Variants in BCOR observed in about 807,000 individuals in gnomAD.
The protein encoded by BCOR is BCL-6 corepressor.
In BCOR, 10 loss-of-function variants were observed where a neutral mutation model predicts 86.7. The ratio of observed to expected loss-of-function variants is 0.12; its 90% confidence interval spans 0.07 to 0.20. The LOEUF (loss-of-function observed/expected upper bound fraction) is 0.20. Among genes scored for constraint, BCOR ranks in the 10% least tolerant of loss-of-function variants. The pLI is 1.00. For missense variants in BCOR, 1,259 were observed against 1,452.1 expected (o/e 0.87, Z 2.16); for synonymous variants, 611 against 609.0 (o/e 1.00, Z -0.05).
intron 1 of BCOR, among the ~76,000 whole-genome samples, chrX:40,116,670 G>C (rs1474041818): frequency 9.0e-6 from 1 of 111,697 alleles, no homozygotes; most frequent in African/African-American, 3.3e-5. Flanking sequence ...TGCAACACTA[G>C]CAACTAAATT....
At chrX:40,071,204 C>T (rs773850943) in intron 5 of BCOR, 45 bp from the exon 6 acceptor site, 1 of 1,119,490 alleles carries the variant, frequency 8.9e-7, no homozygotes, top group Admixed American at 2.6e-5. Context: ...CAACACCTTA[C>T]CATAAAAGCT....
intron 1 of BCOR, among the ~76,000 whole-genome samples, chrX:40,094,029 C>T (rs1936732001): frequency 1.8e-5 from 2 of 111,399 alleles, no homozygotes; most frequent in Admixed American, 9.5e-5. Flanking sequence ...AAAGGAAAAC[C>T]CTAGGCCCAG....
intron 1 of BCOR, among the ~76,000 whole-genome samples, chrX:40,115,933 C>T (rs1937386974): frequency 9.0e-6 from 1 of 111,596 alleles, no homozygotes; most frequent in Non-Finnish European, 1.9e-5. Flanking sequence ...CTTTCATATT[C>T]CTGGGCAACA....
chrX:40,146,473 A>G (rs1305605993), intron 1 of BCOR: 1 of 111,840 alleles, frequency 8.9e-6, no homozygotes, highest in Non-Finnish European at 1.9e-5. Flanking sequence ...CAGACCTGAG[A>G]GCCGCCGCGC....
intron 1 of BCOR, among the ~76,000 whole-genome samples, chrX:40,122,812 TATA>T (rs1242912894): frequency 3.6e-5 from 4 of 111,805 alleles, no homozygotes; most frequent in Non-Finnish European, 7.5e-5. Flanking sequence ...AGATGTTTTC[TATA>T]ATATTTTCAG....
At chrX:40,055,655 G>C (rs1375713516) in intron 11 of BCOR, 142 bp from the exon 12 acceptor site, 11 of 670,106 alleles carry the variant, frequency 1.6e-5, no homozygotes, top group Middle Eastern at 4.1e-4. Flanking sequence ...ATTTCATCCA[G>C]GAGGTGTGCA....
rs768919602 is a variant in BCOR, at chrX:40,052,336, G to A, written c.5041C>T (p.Arg1681Cys). The A allele has an allele frequency of 1.3e-5, 16 of 1,210,075 alleles. No individual in the cohort carries two copies. The highest frequency in any genetic ancestry group is 1.8e-5 in the South Asian group (1 of 56,867). The change falls in exon 15 of 15, where the codon CGC becomes TGC. Residue 1681 changes from arginine (R) to cysteine (C), a missense_variant. By Grantham distance (180) the Arg-to-Cys change is radical. Around this residue, in one of 7 missense-constraint regions of BCOR, gnomAD observed 137 missense variants for 149.8 expected, o/e 0.91. Transcript: ENST00000378444. ...KKLKMSSRIF[R>C]CNFPNVEIVT... The stretch of plus-strand genomic sequence containing the variant: ...ATTTCCACGTTTGGAAAATTGCAGC[G>A]AAATATGCGGGAGGACATTTTCAAT...
At position 40,090,980 on chromosome X, in the gene BCOR, T is replaced by C. The variant is rs149027951; in HGVS notation, c.-41+6235A>G. Among the ~76,000 whole-genome samples, 20 of 110,571 alleles carry C rather than the reference T, an allele frequency of 1.8e-4. No homozygotes were observed. The East Asian group carries it at 4.8e-3, about 27-fold the overall frequency. On this transcript the variant is annotated intron_variant, in intron 1 of 14. Transcript: ENST00000378444. Reference sequence around the variant, plus strand: ...TAGTGACTTCAATGCAAAATTGTCTTTTTATAACTTTTTTCCTTAAACACA... The same window carrying C: ...TAGTGACTTCAATGCAAAATTGTCTCTTTATAACTTTTTTCCTTAAACACA...
At chrX:40,068,527 G>A (rs1430320534) in intron 6 of BCOR, among the ~76,000 whole-genome samples, 1 of 112,651 alleles carries the variant, frequency 8.9e-6, no homozygotes, top group East Asian at 2.8e-4. Context: ...GCCACTGAGT[G>A]AGTCCTAGGT....
chrX:40,057,668 C>T (rs756281361), intron 10 of BCOR, among the ~76,000 whole-genome samples: 2 of 112,216 alleles, frequency 1.8e-5, no homozygotes, highest in East Asian at 5.6e-4. Flanking sequence ...CAGTGCCTGG[C>T]ACAGTGAGTA....
rs1238639795 is a variant in BCOR at position 40,073,064 on chromosome X, C to T, written c.2282G>A (p.Arg761Gln). Residue 761 changes from arginine to glutamine, a missense_variant, in exon 4 of 15, where the codon CGG becomes CAG. Arg to Gln is a conservative substitution (Grantham distance 43). This residue lies in a region of BCOR where 534 missense variants were observed against 594.8 expected (regional missense o/e 0.90). Transcript: ENST00000378444. ...TTCCAAAATCTCGGAAAACCGATTC[C>T]GGAGGGTTGGGTCCTCGTAACGGGC... is the stretch of plus-strand genomic sequence containing the variant. The part of the protein sequence containing the change: ...ERARYEDPTL[R>Q]NRFSEILETS... 5.0e-6 allele frequency: 6 copies of T among 1,210,390 alleles called. No individual in the cohort carries two copies. The highest frequency in any genetic ancestry group is 4.4e-5 in the Admixed American group (2 of 45,866).
rs369901956 is a variant in BCOR, at chrX:40,142,517, C to T, written c.-41+34490G>A. Among the ~76,000 whole-genome samples, 5 of 112,103 alleles carry T rather than the reference C, an allele frequency of 4.5e-5. No homozygotes were observed. The East Asian group carries it at 1.4e-3, about 31-fold the overall frequency. On this transcript the variant is annotated intron_variant, in intron 1 of 14. Transcript: ENST00000342274. ...ACCATCTGTTTGGCTTTACAACACA[C>T]ACCTAGTCCTTGGACTCTTGACACA...
intron 1 of BCOR, among the ~76,000 whole-genome samples, chrX:40,158,680 T>TG (rs1938352633): frequency 9.0e-6 from 1 of 111,537 alleles, no homozygotes; most frequent in East Asian, 2.8e-4. Flanking sequence ...CAGCTGGGGG[T>TG]GGGGGGCGAG....
intron 14 of BCOR, among the ~76,000 whole-genome samples, 154 bp from the exon 15 acceptor site, chrX:40,052,554 C>A (rs1186698655): frequency 3.3e-5 from 3 of 91,845 alleles, no homozygotes; most frequent in Non-Finnish European, 4.2e-5. Context: ...CTCTGATCAC[C>A]ATTTTTTTTT....
chrX:40,087,440 C>T (rs1202854009), intron 1 of BCOR, among the ~76,000 whole-genome samples: 1 of 112,533 alleles, frequency 8.9e-6, no homozygotes, highest in African/African-American at 3.2e-5. Flanking sequence ...AACTTTCCAC[C>T]AGGATATAGA....
At chrX:40,061,722 G>A (rs1243240707) in intron 10 of BCOR, among the ~76,000 whole-genome samples, 2 of 91,044 alleles carry the variant, frequency 2.2e-5, no homozygotes, top group African/African-American at 4.3e-5. Context: ...CCCCCTACAC[G>A]GCCACCCTTC....
In BCOR at chrX:40,076,464, T is replaced by C. The variant is rs150982908; in HGVS notation, c.155A>G (p.Asn52Ser). Residue 52 changes from asparagine (N) to serine (S), a missense_variant, in exon 3 of 15, where the codon AAC (asparagine) becomes AGC (serine). Physicochemically the swap from Asn to Ser is conservative, Grantham distance 46 (BLOSUM62 1). This residue lies in a region of BCOR where 174 missense variants were observed against 189.3 expected (regional missense o/e 0.92). Transcript: ENST00000378444. ...RLELREENPL[N>S]HNVVDASTAH... ...CTATTAATCTCTTACCACGTTGTGGTTCAAGGGATTCTCTTCCCTCAGTTC... is the reference window on the plus strand; with the variant it reads ...CTATTAATCTCTTACCACGTTGTGGCTCAAGGGATTCTCTTCCCTCAGTTC... 1.1e-5 allele frequency: 13 copies of C among 1,198,708 alleles called. No individual in the cohort carries two copies. Among genetic ancestry groups the C allele is most frequent in the Non-Finnish European group, 1.4e-5 (12 of 884,104 alleles).
intron 1 of BCOR, among the ~76,000 whole-genome samples, chrX:40,139,476 T>TA (rs1247510211): frequency 8.5e-5 from 1 of 11,803 alleles, no homozygotes; most frequent in African/African-American, 6.5e-4. Flanking sequence ...TATATATATA[T>TA]ATATATATAT....
At chrX:40,126,856 AAAG>A (rs1234202622) in intron 1 of BCOR, among the ~76,000 whole-genome samples, 2 of 110,491 alleles carry the variant, frequency 1.8e-5, no homozygotes, top group East Asian at 2.8e-4. Context: ...AAAAAAAAAA[AAAG>A]AGGAGGTTAG....
Sources: allele counts gnomAD v4.1 joint callset (sites outside exome capture counted in the v4.1 genomes callset), GRCh38; gene constraint gnomAD v4.1.1; regional missense constraint gnomAD v4.1.1; transcripts MANE v1.5; gene names NCBI Gene and HGNC (gene_info 2026-07-23, HGNC 2026-07-21).